Variants in UVRAG observed in about 807,000 individuals in gnomAD.
UVRAG encodes the protein UV radiation resistance-associated gene protein.
A neutral mutation model predicts 78.0 loss-of-function variants in UVRAG; 19 were observed. The observed-to-expected ratio is 0.24, with a 90% CI of 0.17 to 0.36. The LOEUF (loss-of-function observed/expected upper bound fraction) is 0.36. Among genes scored for constraint, UVRAG ranks in the 10% least tolerant of loss-of-function variants. UVRAG has a pLI of 1.00. For missense variants in UVRAG, 740 were observed against 853.8 expected, an observed-to-expected ratio of 0.87 and a Z score of 1.66; for synonymous variants, 323 against 324.6, an observed-to-expected ratio of 1.00 and a Z score of 0.05.
Position 75,929,460 on chromosome 11 carries a change from C to T in UVRAG, c.593+17421C>T, listed in dbSNP as rs547066762. Among the ~76,000 whole-genome samples, 6 of 152,116 alleles carry T rather than the reference C, an allele frequency of 3.9e-5. No individual in the cohort carries two copies. The East Asian group carries it at 9.6e-4, about 24-fold the overall frequency. On this transcript the variant is annotated intron_variant, in intron 6 of 14. Transcript: ENST00000356136. ...TAGGTGCCCAAAGGAAGGGTGCAGT[C>T]GCTGAAACTCCCTGGAAAAGGACTG... is the stretch of plus-strand genomic sequence containing the variant.
At chr11:75,895,587 A>G (rs959511325) in intron 5 of UVRAG, among the ~76,000 whole-genome samples, 1 of 151,376 alleles carries the variant, frequency 6.6e-6, no homozygotes, top group African/African-American at 2.4e-5. Flanking sequence ...GGTTAAGCGT[A>G]TGTAGCAAAA....
At chr11:75,981,476 G>A (rs114849974) in intron 7 of UVRAG, among the ~76,000 whole-genome samples, 1,709 of 151,714 alleles carry the variant, frequency 0.011, 37 homozygotes, top group African/African-American at 0.039. Flanking sequence ...TGTGTGACAG[G>A]GTCTTGCTCT....
intron 6 of UVRAG, among the ~76,000 whole-genome samples, chr11:75,958,137 T>C (rs1348924192): frequency 6.6e-6 from 1 of 152,226 alleles, no homozygotes; most frequent in African/African-American, 2.4e-5. Context: ...CTTGCCTCCA[T>C]GTCAGTGGCT....
intron 3 of UVRAG, among the ~76,000 whole-genome samples, chr11:75,872,245 A>G (rs1946667832): frequency 6.6e-6 from 1 of 152,090 alleles, no homozygotes; most frequent in Non-Finnish European, 1.5e-5. Context: ...CCTTTTCTCA[A>G]CAAGTCAAGG....
At chr11:76,067,397 C>T (rs1331490157) in intron 13 of UVRAG, among the ~76,000 whole-genome samples, 2 of 152,162 alleles carry the variant, frequency 1.3e-5, no homozygotes, top group Non-Finnish European at 2.9e-5. Context: ...GCCGAGCTCC[C>T]ACTCCGCTGA....
chr11:76,039,190 A>T, intron 12 of UVRAG, among the ~76,000 whole-genome samples: 1 of 152,216 alleles, frequency 6.6e-6, no homozygotes, highest in East Asian at 1.9e-4. Flanking sequence ...CCCACTTCAT[A>T]GGGTATCTAG....
intron 12 of UVRAG, among the ~76,000 whole-genome samples, chr11:76,042,859 A>T (rs1354684615): frequency 6.6e-6 from 1 of 152,218 alleles, no homozygotes; most frequent in African/African-American, 2.4e-5. Context: ...GTCTCTACAG[A>T]TGAGAGCTGA....
chr11:76,103,537 GTT>G (rs11312309), intron 13 of UVRAG, among the ~76,000 whole-genome samples: 19 of 132,174 alleles, frequency 1.4e-4, no homozygotes, highest in Admixed American at 3.1e-4. Context: ...TGCTGTTTTG[GTT>G]TTTTTTTTTT....
At chr11:75,989,112 G>A (rs918863126) in intron 8 of UVRAG, among the ~76,000 whole-genome samples, 37 of 151,804 alleles carry the variant, frequency 2.4e-4, no homozygotes, top group African/African-American at 8.7e-4. Context: ...CCAGGTTGGA[G>A]TGCACTGGTG....
chr11:76,021,264 G>A (rs73496143), intron 12 of UVRAG, among the ~76,000 whole-genome samples: 8,985 of 152,102 alleles, frequency 0.059, 374 homozygotes, highest in East Asian at 0.24. Context: ...TTCCTGCAAG[G>A]TTAGCAGGGG....
chr11:75,903,425 C>A (rs367787120), intron 5 of UVRAG, among the ~76,000 whole-genome samples: 1 of 152,146 alleles, frequency 6.6e-6, no homozygotes, highest in African/African-American at 2.4e-5. Flanking sequence ...CCACTACTTC[C>A]CTCTCCAGGG....
intron 9 of UVRAG, 46 bp downstream of exon 9, chr11:76,004,135 C>G (rs189665193): frequency 8.3e-6 from 13 of 1,570,718 alleles, no homozygotes; most frequent in Non-Finnish European, 1.1e-5. Flanking sequence ...GAGTTTACTG[C>G]GAGGATAGAT....
intron 5 of UVRAG, among the ~76,000 whole-genome samples, chr11:75,892,664 A>G (rs931163951): frequency 6.6e-6 from 1 of 152,144 alleles, no homozygotes; most frequent in Non-Finnish European, 1.5e-5. Flanking sequence ...ATTGTCCTTC[A>G]GTTAGTGAGC....
At chr11:75,827,140 G>C (rs1945531596) in intron 1 of UVRAG, among the ~76,000 whole-genome samples, 1 of 151,618 alleles carries the variant, frequency 6.6e-6, no homozygotes, top group Non-Finnish European at 1.5e-5. Context: ...AGACATAAAA[G>C]TAAAAGTGAG....
chr11:76,133,308 G>A (rs1199493807), intron 14 of UVRAG, among the ~76,000 whole-genome samples: 2 of 152,158 alleles, frequency 1.3e-5, no homozygotes, highest in African/African-American at 2.4e-5. Context: ...TCAGTGTCTC[G>A]TGTTTCCTAA....
At chr11:76,134,305 C>G (rs1952564986) in intron 14 of UVRAG, among the ~76,000 whole-genome samples, 3 of 143,494 alleles carry the variant, frequency 2.1e-5, no homozygotes, top group Admixed American at 7.1e-5. Flanking sequence ...TTACTTTCAT[C>G]CAAGCTGGAA....
intron 1 of UVRAG, among the ~76,000 whole-genome samples, chr11:75,834,129 C>T (rs1228479401): frequency 6.6e-6 from 1 of 152,182 alleles, no homozygotes. Context: ...TTTTCCTCCT[C>T]CAGTTCAGGA....
intron 12 of UVRAG, among the ~76,000 whole-genome samples, chr11:76,020,306 G>A (rs1950220585): frequency 6.6e-6 from 1 of 152,054 alleles, no homozygotes; most frequent in Admixed American, 6.5e-5. Flanking sequence ...GACCCCAAAA[G>A]CCCATTTGGT....
At chr11:75,944,786 C>G (rs2086240595) in intron 6 of UVRAG, among the ~76,000 whole-genome samples, 1 of 152,092 alleles carries the variant, frequency 6.6e-6, no homozygotes, top group African/African-American at 2.4e-5. Context: ...TTCAGCTCAT[C>G]TTAAATTTTA....
Sources: allele counts gnomAD v4.1 joint callset (sites outside exome capture counted in the v4.1 genomes callset), GRCh38; gene constraint gnomAD v4.1.1; transcripts MANE v1.5; gene names NCBI Gene and HGNC (gene_info 2026-07-23, HGNC 2026-07-21).